MYBL1: variants seen among roughly 807,000 people sequenced by gnomAD.
MYBL1 encodes MYB proto-oncogene like 1, also known as myb-related protein A.
MYBL1 carries 17 observed loss-of-function variants against 96.3 expected under a neutral mutation model. The observed-to-expected ratio is 0.18, with a 90% CI of 0.12 to 0.26. The LOEUF is 0.26. Among genes scored for constraint, MYBL1 ranks in the 10% least tolerant of loss-of-function variants. MYBL1 has a pLI of 1.00. For synonymous variants in MYBL1, 282 were observed against 292.7 expected (o/e 0.96, Z 0.37); for missense variants, 701 against 882.9 (o/e 0.79, Z 2.61).
intron 1 of MYBL1, among the ~76,000 whole-genome samples, chr8:66,605,687 G>T (rs953906765): frequency 6.6e-6 from 1 of 151,960 alleles, no homozygotes; most frequent in African/African-American, 2.4e-5. Context: ...ATGATGGTGG[G>T]TGCCTGTAAT....
At chr8:66,602,992 G>A (rs1417075098) in intron 1 of MYBL1, among the ~76,000 whole-genome samples, 5 of 151,200 alleles carry the variant, frequency 3.3e-5, no homozygotes, top group African/African-American at 9.7e-5. Flanking sequence ...TGATCTGCCC[G>A]ACTCGGCCTC....
At chr8:66,602,724 TATATATATA>T (rs1211090454) in intron 1 of MYBL1, among the ~76,000 whole-genome samples, 24 of 49,876 alleles carry the variant, frequency 4.8e-4, no homozygotes, top group African/African-American at 2.1e-3. Context: ...TATATATATA[TATATATATA>T]TTTTTTTTTT....
intron 8 of MYBL1, among the ~76,000 whole-genome samples, chr8:66,585,561 T>C (rs1420138544): frequency 6.6e-6 from 1 of 152,000 alleles, no homozygotes; most frequent in African/African-American, 2.4e-5. Context: ...GCCAACATGG[T>C]GAAACCTCGT....
At chr8:66,611,039 ACATT>A (rs1810507605) in intron 1 of MYBL1, among the ~76,000 whole-genome samples, 1 of 152,180 alleles carries the variant, frequency 6.6e-6, no homozygotes, top group South Asian at 2.1e-4. Flanking sequence ...ATGCAAACTA[ACATT>A]AAGTTGTTTC....
At chr8:66,579,546 A>G (rs1225449598) in intron 9 of MYBL1, among the ~76,000 whole-genome samples, 1 of 151,968 alleles carries the variant, frequency 6.6e-6, no homozygotes, top group Non-Finnish European at 1.5e-5. Flanking sequence ...AATCCCAGCT[A>G]CTCAGAAGGC....
At position 66,579,262 on chromosome 8, in the gene MYBL1, TA is replaced by T. The variant is rs923439917; in HGVS notation, c.1101+870del. Among the ~76,000 whole-genome samples the T allele has an allele frequency of 1.1e-4, 17 of 151,448 alleles. No homozygotes were observed. The East Asian group carries it at 3.1e-3, about 28-fold the overall frequency. On this transcript the variant is annotated intron_variant, in intron 9 of 15. Coordinates refer to ENST00000522677, the MANE Select transcript of MYBL1 (RefSeq NM_001080416.4). Reference sequence around the variant, plus strand: ...AAAAAAATTAAAAAAAAATTTTTTTTAAAAAAATGAAAAAGTAGACACTACC... The same window carrying T: ...AAAAAAATTAAAAAAAAATTTTTTTTAAAAAATGAAAAAGTAGACACTACC...
Position 66,612,956 on chromosome 8 carries a change from G to A in MYBL1, c.-118C>T, listed in dbSNP as rs868020858. On this transcript the variant is annotated 5_prime_UTR_variant, in exon 1 of 16. Transcript: ENST00000522677. ...CGCTTCCCTCGCTCCCTCTGGAGGC[G>A]GCCGAGTGCGGAACGCACGTCCTCG... 29 of 1,166,120 alleles carry A rather than the reference G, an allele frequency of 2.5e-5. No homozygotes were observed. Among genetic ancestry groups the A allele is most frequent in the Middle Eastern group, 4.3e-4 (2 of 4,664 alleles). 72.2% of individuals were successfully genotyped at this position (1,166,120 alleles called of 1,614,324 possible). A position where few individuals can be genotyped will look rare whatever the true frequency, so the allele number is the denominator to read the frequency against.
intron 1 of MYBL1, among the ~76,000 whole-genome samples, chr8:66,610,422 G>A (rs1306167968): frequency 6.7e-6 from 1 of 149,942 alleles, no homozygotes; most frequent in African/African-American, 2.4e-5. Flanking sequence ...TTTTTTTTCA[G>A]TTCACATAGG....
At chr8:66,608,054 A>C (rs1810390642) in intron 1 of MYBL1, among the ~76,000 whole-genome samples, 1 of 152,218 alleles carries the variant, frequency 6.6e-6, no homozygotes, top group South Asian at 2.1e-4. Context: ...ATCACATTTA[A>C]TCATACGAAA....
intron 8 of MYBL1, among the ~76,000 whole-genome samples, chr8:66,587,580 T>C (rs893425065): frequency 1.3e-5 from 2 of 152,208 alleles, no homozygotes; most frequent in Admixed American, 1.3e-4. Context: ...GAGTTATGAA[T>C]GAGAAACAAC....
At chr8:66,576,601 A>C (rs1007678503) in intron 9 of MYBL1, among the ~76,000 whole-genome samples, 12 of 152,212 alleles carry the variant, frequency 7.9e-5, no homozygotes, top group African/African-American at 2.9e-4. Context: ...GTTGAAGCTT[A>C]CTGTCAAAGT....
At chr8:66,595,508 T>A in intron 6 of MYBL1, 75 bp downstream of exon 6, 1 of 919,632 alleles carries the variant, frequency 1.1e-6, no homozygotes, top group Admixed American at 3.8e-5. Context: ...ATTTGTCCTA[T>A]TAAGAAACCA....
intron 1 of MYBL1, among the ~76,000 whole-genome samples, chr8:66,602,891 G>T (rs576400987): frequency 6.6e-5 from 10 of 150,686 alleles, no homozygotes; most frequent in African/African-American, 1.7e-4. Flanking sequence ...GACTACGGGC[G>T]CCCACCACTA....
In MYBL1 at chr8:66,593,134, A is replaced by C; in HGVS notation, c.748T>G (p.Ser250Ala). 6.3e-7 allele frequency: 1 copy of C among 1,581,496 alleles called. No individual in the cohort carries two copies. The highest frequency in any genetic ancestry group is 8.6e-7 in the Non-Finnish European group (1 of 1,161,356). ...ATAAAAGTTACCTGAATAAAGGCAG[A>C]AGTAGGCTGAACATGTTCTATACAA... Reference protein sequence around the residue: ...GNCIEHVQPTSAFIQQPFIDE... With the variant: ...GNCIEHVQPTAAFIQQPFIDE... The change falls in exon 7 of 16, where the codon TCT becomes GCT. Residue 250 changes from serine to alanine, a missense_variant. By Grantham distance (99) the Ser-to-Ala change is moderately conservative. Around this residue, in one of 5 missense-constraint regions of MYBL1, gnomAD observed 396 missense variants for 407.4 expected, o/e 0.97. Transcript: ENST00000522677.
At chr8:66,600,999 C>T (rs912466826) in intron 3 of MYBL1, among the ~76,000 whole-genome samples, 1 of 151,028 alleles carries the variant, frequency 6.6e-6, no homozygotes, top group Non-Finnish European at 1.5e-5. Flanking sequence ...GGAGAAACCC[C>T]GTCTCTACTA....
At chr8:66,602,735 T>A (rs80235914) in intron 1 of MYBL1, among the ~76,000 whole-genome samples, 225 of 39,180 alleles carry the variant, frequency 5.7e-3, no homozygotes, top group South Asian at 0.015. Flanking sequence ...ATATATATAT[T>A]TTTTTTTTTT....
intron 8 of MYBL1, among the ~76,000 whole-genome samples, chr8:66,580,863 T>C (rs1809180802): frequency 6.6e-6 from 1 of 151,910 alleles, no homozygotes; most frequent in Non-Finnish European, 1.5e-5. Context: ...CTCTTCTTTT[T>C]TTTTTTTTTT....
Position 66,566,179 on chromosome 8 carries a change from C to A in MYBL1, c.2015G>T (p.Cys672Phe), listed in dbSNP as rs1435911687. ...ATCTTGTTTTTCAGGAATCAAGTTG[C>A]ACCTATTGTCATGTATTTCCAATAA... is the stretch of plus-strand genomic sequence containing the variant. Reference protein sequence around the residue: ...IPLLEIHDNRCNLIPEKQDIN... With the variant: ...IPLLEIHDNRFNLIPEKQDIN... Residue 672 changes from cysteine (C) to phenylalanine (F), a missense_variant, in exon 15 of 16, where the codon TGC becomes TTC. Cys to Phe is a radical substitution (Grantham distance 205). This residue lies in a region of MYBL1 where 137 missense variants were observed against 137.5 expected (regional missense o/e 1.00). Transcript: ENST00000522677. 2 of 1,522,952 alleles carry A rather than the reference C, an allele frequency of 1.3e-6. No homozygotes were observed. The highest frequency in any genetic ancestry group is 1.8e-6 in the Non-Finnish European group (2 of 1,119,882). The allele number at this position is 1,522,952 out of a possible 1,614,324, so 94.3% of individuals were successfully genotyped here.
chr8:66,588,021 TAAAAG>T (rs1197540363), intron 8 of MYBL1, among the ~76,000 whole-genome samples: 1 of 152,188 alleles, frequency 6.6e-6, no homozygotes. Flanking sequence ...GTTTTATAAA[TAAAAG>T]AAATTAAAGT....
Sources: allele counts gnomAD v4.1 joint callset (sites outside exome capture counted in the v4.1 genomes callset), GRCh38; gene constraint gnomAD v4.1.1; regional missense constraint gnomAD v4.1.1; transcripts MANE v1.5; gene names NCBI Gene and HGNC (gene_info 2026-07-23, HGNC 2026-07-21).